EML6: variants seen among roughly 807,000 people sequenced by gnomAD.
EML6 encodes the protein EMAP like 6, also known as echinoderm microtubule-associated protein-like 6.
Under a neutral mutation model 240.1 loss-of-function variants are expected in EML6, and 154 were observed. That is an observed-to-expected ratio of 0.64 (90% CI 0.56 to 0.73). The LOEUF (loss-of-function observed/expected upper bound fraction) is 0.73, where lower values mean the gene tolerates loss of function less well. Ranked by LOEUF, EML6 falls within the 30% of genes least tolerant of loss-of-function variation. EML6 has a pLI of 0.00. For missense variants in EML6, 2,964 were observed against 2,474.6 expected, an observed-to-expected ratio of 1.20 and a Z score of -4.20; for synonymous variants, 1,148 against 899.0, an observed-to-expected ratio of 1.28 and a Z score of -4.95.
At chr2:54,789,535 AAAAAAAAAAAAAAG>A (rs1366930161) in intron 2 of EML6, among the ~76,000 whole-genome samples, 8 of 147,166 alleles carry the variant, frequency 5.4e-5, no homozygotes, top group East Asian at 3.9e-4. Context: ...AAAAAAAAAA[AAAAAAAAAAAAAAG>A]AAAAAGAATG....
intron 12 of EML6, among the ~76,000 whole-genome samples, chr2:54,860,179 C>A (rs1670601092): frequency 6.6e-6 from 1 of 152,172 alleles, no homozygotes; most frequent in Non-Finnish European, 1.5e-5. Flanking sequence ...CACCACCCAA[C>A]CTCTCCCTGT....
chr2:54,922,178 A>G (rs1674291034), intron 26 of EML6, among the ~76,000 whole-genome samples: 1 of 152,252 alleles, frequency 6.6e-6, no homozygotes, highest in African/African-American at 2.4e-5. Flanking sequence ...ATAAAGGGTT[A>G]ATATACAAAA....
chr2:54,951,033 C>T (rs558053012), intron 30 of EML6, among the ~76,000 whole-genome samples: 1 of 152,204 alleles, frequency 6.6e-6, no homozygotes, highest in South Asian at 2.1e-4. Flanking sequence ...TTGACACCAG[C>T]CTCTGTAACC....
chr2:54,822,066 C>G (rs1373336422), intron 5 of EML6, among the ~76,000 whole-genome samples: 1 of 152,046 alleles, frequency 6.6e-6, no homozygotes, highest in Admixed American at 6.6e-5. Flanking sequence ...GGGTTGTTCT[C>G]AAAATGCAAA....
At chr2:54,866,016 T>G (rs6545452) in intron 13 of EML6, among the ~76,000 whole-genome samples, 27,514 of 152,190 alleles carry the variant, frequency 0.18, 2,711 homozygotes, top group African/African-American at 0.24. Context: ...CTTGGTTAAT[T>G]GCATCTGTAG....
At chr2:54,931,280 A>C (rs1445417094) in intron 28 of EML6, among the ~76,000 whole-genome samples, 2 of 152,128 alleles carry the variant, frequency 1.3e-5, no homozygotes, top group Admixed American at 6.6e-5. Flanking sequence ...TCTGGACCAC[A>C]AAATAGAACA....
At chr2:54,880,640 C>G (rs1322296963) in intron 17 of EML6, 2 of 152,170 alleles carry the variant, frequency 1.3e-5, no homozygotes, top group African/African-American at 2.4e-5. Flanking sequence ...CAAATGACAG[C>G]TCATAAATCT....
At chr2:54,930,486 G>A (rs1394955772) in intron 28 of EML6, among the ~76,000 whole-genome samples, 1 of 151,690 alleles carries the variant, frequency 6.6e-6, no homozygotes, top group African/African-American at 2.4e-5. Context: ...CATCAGATAG[G>A]AAACTGTATA....
At chr2:54,949,712 A>C (rs537777959) in intron 29 of EML6, among the ~76,000 whole-genome samples, 1 of 152,244 alleles carries the variant, frequency 6.6e-6, no homozygotes, top group East Asian at 1.9e-4. Flanking sequence ...AATGGGATTC[A>C]AGTTCATGGT....
intron 2 of EML6, among the ~76,000 whole-genome samples, chr2:54,809,676 T>C (rs1667729026): frequency 6.6e-6 from 1 of 152,200 alleles, no homozygotes; most frequent in Admixed American, 6.5e-5. Context: ...ATTCCAAAGA[T>C]GTGTGGAATT....
intron 2 of EML6, among the ~76,000 whole-genome samples, chr2:54,808,755 T>C (rs530927536): frequency 1.3e-5 from 2 of 152,330 alleles, no homozygotes; most frequent in South Asian, 4.1e-4. Context: ...TTTCCTTCCA[T>C]GACCCTTTTG....
intron 2 of EML6, among the ~76,000 whole-genome samples, chr2:54,804,075 C>A (rs375268326): frequency 6.6e-6 from 1 of 152,202 alleles, no homozygotes; most frequent in Admixed American, 6.5e-5. Flanking sequence ...CAAATTAAGA[C>A]TTACCCTGAA....
intron 2 of EML6, among the ~76,000 whole-genome samples, chr2:54,782,777 C>T (rs954479693): frequency 6.6e-6 from 1 of 151,984 alleles, no homozygotes; most frequent in African/African-American, 2.4e-5. Context: ...TTGTTTTACC[C>T]TCTTACTCAT....
intron 2 of EML6, among the ~76,000 whole-genome samples, chr2:54,735,707 T>G (rs1683357602): frequency 1.3e-5 from 2 of 152,262 alleles, no homozygotes; most frequent in Admixed American, 1.3e-4. Flanking sequence ...GTATTTTGAC[T>G]GTATTATAAG....
At chr2:54,797,976 C>A (rs1669911902) in intron 2 of EML6, among the ~76,000 whole-genome samples, 1 of 152,006 alleles carries the variant, frequency 6.6e-6, no homozygotes, top group Admixed American at 6.6e-5. Context: ...AAAACCTATT[C>A]TAGGACCCTT....
rs1558606488 is a variant in EML6, at chr2:54,846,921, G to GTTTTTTTTTTTTTT, written c.1050-564_1050-563insTTTTTTTTTTTTTT. On this transcript the variant is annotated intron_variant, in intron 8 of 41. Transcript: ENST00000356458. ...TGAAAGTAATATTTTGTATGAAGTA[G>GTTTTTTTTTTTTTT]TATTTTTTTTTTTTTGGAGACAGGG... Among the ~76,000 whole-genome samples the GTTTTTTTTTTTTTT allele has an allele frequency of 1.6e-4, 13 of 81,182 alleles. 1 individual carries two copies. The highest frequency in any genetic ancestry group is 5.3e-4 in the East Asian group (1 of 1,890). 53.3% of individuals were successfully genotyped at this position (81,182 alleles called of 152,430 possible).
At chr2:54,835,384 G>A (rs887297197) in intron 7 of EML6, among the ~76,000 whole-genome samples, 3 of 152,188 alleles carry the variant, frequency 2.0e-5, no homozygotes, top group Admixed American at 6.5e-5. Flanking sequence ...AAGTGTCATA[G>A]GACTGGAGGG....
rs753117613 is a variant in EML6, at chr2:54,928,473, T to C, written c.3836T>C (p.Val1279Ala). 1 of 1,549,016 alleles carries C rather than the reference T, an allele frequency of 6.5e-7. No individual in the cohort carries two copies. ...GTGGGGACCCAGGAGAGCAAGCTGGTGGACAGCGAGGAGTCAGACACCGAC... is the reference window on the plus strand; with the variant it reads ...GTGGGGACCCAGGAGAGCAAGCTGGCGGACAGCGAGGAGTCAGACACCGAC... ...EFVGTQESKL[V>A]DSEESDTDVE... The change falls in exon 27 of 42, where the codon GTG (valine) becomes GCG (alanine). Residue 1279 changes from valine to alanine, a missense_variant. Physicochemically the swap from Val to Ala is moderately conservative, Grantham distance 64 (BLOSUM62 0). Transcript: ENST00000356458.
chr2:54,909,675 G>A (rs1673535160), intron 24 of EML6, among the ~76,000 whole-genome samples: 1 of 151,946 alleles, frequency 6.6e-6, no homozygotes. Flanking sequence ...ATGACTCTCT[G>A]TCTCTACTAA....
Sources: gnomAD v4.1 joint callset for allele counts (sites outside exome capture counted in the v4.1 genomes callset) on GRCh38, gnomAD v4.1.1 for gene constraint, MANE v1.5 for transcripts, NCBI Gene and HGNC (gene_info 2026-07-23, HGNC 2026-07-21) for gene names.